CCN4: variants seen among roughly 807,000 people sequenced by gnomAD.
CCN4 encodes the protein cellular communication network factor 4.
In CCN4, 30 loss-of-function variants were observed where a neutral mutation model predicts 36.7. That is an observed-to-expected ratio of 0.82 (90% confidence interval 0.61 to 1.11). The LOEUF (loss-of-function observed/expected upper bound fraction) is 1.11. Among genes scored for constraint, CCN4 ranks in the 50% least tolerant of loss-of-function variants. The pLI, the probability that CCN4 is intolerant of heterozygous loss-of-function variation, is 0.00. For synonymous variants in CCN4, 191 were observed against 195.4 expected, an observed-to-expected ratio of 0.98 and a Z score of 0.19; for missense variants, 505 against 504.9, an observed-to-expected ratio of 1.00 and a Z score of 0.00.
chr8:133,223,148 G>T (rs1854594786), intron 3 of CCN4, among the ~76,000 whole-genome samples: 1 of 152,056 alleles, frequency 6.6e-6, no homozygotes, highest in Non-Finnish European at 1.5e-5. Flanking sequence ...GTCCCCAGCA[G>T]CCCCAGGGCA....
chr8:133,193,992 G>A (rs975357207), intron 1 of CCN4, among the ~76,000 whole-genome samples: 3 of 152,158 alleles, frequency 2.0e-5, no homozygotes, highest in Non-Finnish European at 4.4e-5. Flanking sequence ...CACTTTCCTC[G>A]TTTGTTAATT....
In CCN4 at chr8:133,231,301, T is replaced by A. The variant is rs1335053587; in HGVS notation, c.*3591T>A. The A allele has an allele frequency of 6.6e-6, 1 of 152,206 alleles. No homozygotes were observed. The highest frequency in any genetic ancestry group is 1.9e-4 in the East Asian group (1 of 5,200). 9.4% of individuals were successfully genotyped at this position (152,206 alleles called of 1,614,324 possible). On this transcript the variant is annotated 3_prime_UTR_variant, in exon 5 of 5. Coordinates refer to ENST00000250160, the MANE Select transcript of CCN4 (RefSeq NM_003882.4). Reference sequence around the variant, plus strand: ...ATATCTGGGAATCATAAGTCAACTATGTATCCCTGTGTGTGTATATATATG... The same window carrying A: ...ATATCTGGGAATCATAAGTCAACTAAGTATCCCTGTGTGTGTATATATATG...
At chr8:133,208,596 A>ACAC (rs2130563375) in intron 1 of CCN4, among the ~76,000 whole-genome samples, 1 of 151,936 alleles carries the variant, frequency 6.6e-6, no homozygotes, top group Non-Finnish European at 1.5e-5. Context: ...CCTGCACCCT[A>ACAC]CACCAGGCTC....
intron 2 of CCN4, 22 bp downstream of exon 2, chr8:133,213,165 TCTGACCAGCCC>T: frequency 6.3e-7 from 1 of 1,581,460 alleles, no homozygotes; most frequent in Non-Finnish European, 8.7e-7. Flanking sequence ...CTCCATACCT[TCTGACCAGCCC>T]CTGAGCACCC....
At chr8:133,207,701 C>T (rs924377293) in intron 1 of CCN4, among the ~76,000 whole-genome samples, 3 of 147,238 alleles carry the variant, frequency 2.0e-5, no homozygotes, top group Admixed American at 2.0e-4. Flanking sequence ...CAGAGTTCTC[C>T]ATATAGAATG....
intron 3 of CCN4, among the ~76,000 whole-genome samples, chr8:133,225,156 C>T (rs1374975733): frequency 1.3e-5 from 2 of 152,178 alleles, no homozygotes; most frequent in Non-Finnish European, 2.9e-5. Context: ...TGGGTTTCCT[C>T]CCATGCTTCC....
At chr8:133,215,170 A>G (rs1254653852) in intron 2 of CCN4, among the ~76,000 whole-genome samples, 1 of 152,244 alleles carries the variant, frequency 6.6e-6, no homozygotes, top group African/African-American at 2.4e-5. Flanking sequence ...TGATATGTTG[A>G]TTATAAATGT....
chr8:133,195,057 G>T (rs1178691533), intron 1 of CCN4, among the ~76,000 whole-genome samples: 1 of 147,516 alleles, frequency 6.8e-6, no homozygotes, highest in Non-Finnish European at 1.5e-5. Context: ...GTATGTGTGT[G>T]GTGTGTATTA....
At position 133,228,799 on chromosome 8, in the gene CCN4, G is replaced by C. The variant is rs533269074; in HGVS notation, c.*1089G>C. ...AGGCTGTGGGACTCCAGGGGCCCCC[G>C]TGTTCAGGACACATCTATTGCAGAG... On this transcript the variant is annotated 3_prime_UTR_variant, in exon 5 of 5. Coordinates refer to ENST00000250160, the MANE Select transcript of CCN4 (RefSeq NM_003882.4). The C allele has an allele frequency of 1.3e-5, 2 of 152,148 alleles. No individual in the cohort carries two copies. The highest frequency in any genetic ancestry group is 2.9e-5 in the Non-Finnish European group (2 of 68,032). The allele number at this position is 152,148 out of a possible 1,614,324, so 9.4% of individuals were successfully genotyped here.
At position 133,199,704 on chromosome 8, in the gene CCN4, A is replaced by G. The variant is rs142943065; in HGVS notation, c.69+8491A>G. On this transcript the variant is annotated intron_variant, in intron 1 of 4. Transcript: ENST00000250160. Reference sequence around the variant, plus strand: ...ATCTGTCGCCTACATACACATGCACACACGCACACACAGGCACGCATGCCA... The same window carrying G: ...ATCTGTCGCCTACATACACATGCACGCACGCACACACAGGCACGCATGCCA... 2.5e-4 allele frequency among the ~76,000 whole-genome samples: 38 copies of G among 152,280 alleles called. No homozygotes were observed. The East Asian group carries it at 6.6e-3, about 26-fold the overall frequency.
chr8:133,221,440 A>T (rs1224847657), intron 3 of CCN4, among the ~76,000 whole-genome samples: 1 of 152,118 alleles, frequency 6.6e-6, no homozygotes, highest in African/African-American at 2.4e-5. Flanking sequence ...GAATAGATAG[A>T]TGGGCGGGTG....
intron 1 of CCN4, among the ~76,000 whole-genome samples, chr8:133,205,746 C>T (rs1190447528): frequency 6.6e-6 from 1 of 152,146 alleles, no homozygotes; most frequent in Non-Finnish European, 1.5e-5. Flanking sequence ...TGAGGATGAG[C>T]CCCAGCCCCC....
In CCN4 at chr8:133,231,069, T is replaced by C. The variant is rs1240350717; in HGVS notation, c.*3359T>C. 1.3e-5 allele frequency: 2 copies of C among 152,188 alleles called. No individual in the cohort carries two copies. The highest frequency in any genetic ancestry group is 2.9e-5 in the Non-Finnish European group (2 of 68,026). 9.4% of individuals were successfully genotyped at this position (152,188 alleles called of 1,614,324 possible). On this transcript the variant is annotated 3_prime_UTR_variant, in exon 5 of 5. Transcript: ENST00000250160. Reference sequence around the variant, plus strand: ...TTTATAAGAGGCGCTTTACTGACAATAGCTGCAATTTTAACTTTGAAAATG... The same window carrying C: ...TTTATAAGAGGCGCTTTACTGACAACAGCTGCAATTTTAACTTTGAAAATG...
chr8:133,207,606 C>T (rs1024081828), intron 1 of CCN4, among the ~76,000 whole-genome samples: 1 of 152,238 alleles, frequency 6.6e-6, no homozygotes, highest in African/African-American at 2.4e-5. Context: ...ATTAACCTCT[C>T]TGTGCCTCTG....
At chr8:133,208,664 C>A (rs1463864922) in intron 1 of CCN4, among the ~76,000 whole-genome samples, 1 of 152,142 alleles carries the variant, frequency 6.6e-6, no homozygotes, top group East Asian at 1.9e-4. Context: ...CTTGAGGGTC[C>A]TTGCGCATTG....
At chr8:133,217,931 C>A (rs1384589874) in intron 2 of CCN4, among the ~76,000 whole-genome samples, 4 of 150,600 alleles carry the variant, frequency 2.7e-5, no homozygotes, top group African/African-American at 9.9e-5. Flanking sequence ...AGCCCACTCC[C>A]TTCTCCACAC....
At chr8:133,224,894 C>T (rs1007160670) in intron 3 of CCN4, among the ~76,000 whole-genome samples, 18 of 151,128 alleles carry the variant, frequency 1.2e-4, no homozygotes, top group Admixed American at 3.3e-4. Flanking sequence ...GAGATTGTGC[C>T]ATTGCACTCC....
chr8:133,218,758 A>G (rs1854416897), intron 2 of CCN4, among the ~76,000 whole-genome samples: 1 of 152,100 alleles, frequency 6.6e-6, no homozygotes, highest in Non-Finnish European at 1.5e-5. Flanking sequence ...GCATGGTATC[A>G]AGGGTGATAT....
At chr8:133,194,939 G>C (rs1248620829) in intron 1 of CCN4, among the ~76,000 whole-genome samples, 3 of 145,702 alleles carry the variant, frequency 2.1e-5, no homozygotes, top group Non-Finnish European at 3.0e-5. Flanking sequence ...TGTGTGTGTG[G>C]TGTGTGTGTG....
Sources: gnomAD v4.1 joint callset for allele counts (sites outside exome capture counted in the v4.1 genomes callset) on GRCh38, gnomAD v4.1.1 for gene constraint, MANE v1.5 for transcripts, NCBI Gene and HGNC (gene_info 2026-07-23, HGNC 2026-07-21) for gene names.